ANK1: variants seen among roughly 807,000 people sequenced by gnomAD.
The protein encoded by ANK1 is ankyrin 1.
In ANK1, 51 loss-of-function variants were observed where a neutral mutation model predicts 210.4. That is an observed-to-expected ratio of 0.24 (90% CI 0.19 to 0.31). The LOEUF is 0.31. Among genes scored for constraint, ANK1 ranks in the 10% least tolerant of loss-of-function variants. ANK1 has a pLI of 1.00. For missense variants in ANK1, 2,051 were observed against 2,504.4 expected (o/e 0.82, Z 3.86); for synonymous variants, 967 against 1,025.9 (o/e 0.94, Z 1.10).
At chr8:41,671,911 TA>T (rs1812513218) in intron 38 of ANK1, among the ~76,000 whole-genome samples, 1 of 143,498 alleles carries the variant, frequency 7.0e-6, no homozygotes, top group South Asian at 2.3e-4. Flanking sequence ...CCCGATGTCC[TA>T]AGTGAGCCCT....
intron 1 of ANK1, among the ~76,000 whole-genome samples, chr8:41,869,987 C>T (rs1815167594): frequency 1.3e-5 from 2 of 152,128 alleles, no homozygotes; most frequent in Admixed American, 1.3e-4. Context: ...TTCTTGAGTC[C>T]TACCCCTGGA....
rs74992984 is a variant in ANK1, at chr8:41,667,866, G to A, written c.5394+401C>T. ...GCTGGGAAGAGAGCGCCTTGGGCAC[G>A]TCACCCAGGTCACCATAGGAGGAGA... On this transcript the variant is annotated intron_variant, in intron 39 of 42. Coordinates refer to ENST00000289734, the MANE Select transcript of ANK1 (RefSeq NM_000037.4). 1.3e-3 allele frequency among the ~76,000 whole-genome samples: 196 copies of A among 152,290 alleles called. 2 individuals carry two copies. The East Asian group carries it at 0.026, about 21-fold the overall frequency.
intron 1 of ANK1, among the ~76,000 whole-genome samples, chr8:41,867,580 A>G (rs1320601176): frequency 1.3e-5 from 2 of 152,020 alleles, no homozygotes; most frequent in Non-Finnish European, 2.9e-5. Flanking sequence ...TTCCCATGCC[A>G]TTCCCTCTGC....
chr8:41,728,042 C>T, intron 3 of ANK1, 36 bp from the exon 4 acceptor site: 1 of 1,606,182 alleles, frequency 6.2e-7, no homozygotes, highest in Non-Finnish European at 8.5e-7. Flanking sequence ...GAGGCGGTTT[C>T]CCACTGGGCC....
At chr8:41,750,748 T>C (rs932773307) in intron 2 of ANK1, among the ~76,000 whole-genome samples, 1 of 152,128 alleles carries the variant, frequency 6.6e-6, no homozygotes, top group African/African-American at 2.4e-5. Context: ...ACAAGCACTA[T>C]GGAGAAAAAT....
intron 1 of ANK1, among the ~76,000 whole-genome samples, chr8:41,861,406 A>C (rs1012869955): frequency 3.9e-5 from 6 of 152,208 alleles, no homozygotes; most frequent in African/African-American, 1.4e-4. Context: ...GAACATTTGC[A>C]CTAATAAAGG....
chr8:41,668,600 G>C (rs1811288833), intron 38 of ANK1, 36 bp from the exon 39 acceptor site: 1 of 1,594,854 alleles, frequency 6.3e-7, no homozygotes, highest in South Asian at 1.1e-5. Context: ...GGCCGGCCGG[G>C]GAGAGAGAAA....
At chr8:41,780,245 C>G (rs1844992956) in intron 1 of ANK1, among the ~76,000 whole-genome samples, 1 of 152,092 alleles carries the variant, frequency 6.6e-6, no homozygotes, top group Admixed American at 6.5e-5. Flanking sequence ...TGCTATGTTG[C>G]CCAGTCTGGG....
At chr8:41,702,271 C>T (rs998404706) in intron 20 of ANK1, 127 bp from the exon 21 acceptor site, 7 of 718,460 alleles carry the variant, frequency 9.7e-6, no homozygotes, top group African/African-American at 6.9e-5. Context: ...CAGACGTCAC[C>T]GTGGGGCCCA....
rs771079681 is a variant in ANK1 at position 41,696,488 on chromosome 8, C to T, written c.2835G>A (p.Ala945=). The T allele has an allele frequency of 1.2e-5, 20 of 1,613,276 alleles. No homozygotes were observed. Among genetic ancestry groups the T allele is most frequent in the Middle Eastern group, 1.6e-4 (1 of 6,084 alleles). Residue 945 remains alanine, a synonymous_variant, in exon 26 of 43, where the codon GCG becomes GCA. Coordinates refer to ENST00000289734, the MANE Select transcript of ANK1 (RefSeq NM_000037.4). ...CCAGGCGGCAGGTGATGCGGGTGGG[C>T]GCTGCGCACGTCCGTGGCGGGATCA... ...RVVIPPRTCA[A]PTRITCRLVK...
At chr8:41,760,275 T>G (rs866575951) in intron 1 of ANK1, among the ~76,000 whole-genome samples, 1 of 152,186 alleles carries the variant, frequency 6.6e-6, no homozygotes, top group South Asian at 2.1e-4. Context: ...GGGAGGTACT[T>G]GAATCATGGG....
At chr8:41,891,403 C>A (rs551335392) in intron 1 of ANK1, among the ~76,000 whole-genome samples, 1 of 152,282 alleles carries the variant, frequency 6.6e-6, no homozygotes, top group South Asian at 2.1e-4. Flanking sequence ...GTGTCCCCTG[C>A]CCAGGGAGGT....
chr8:41,688,712 C>CCTGAAGAAACGGACT, intron 33 of ANK1, 123 bp from the exon 34 acceptor site: 2 of 846,536 alleles, frequency 2.4e-6, no homozygotes, highest in African/African-American at 1.7e-5. Context: ...ACAATCAGTC[C>CCTGAAGAAACGGACT]GTTTCTTCAG....
At position 41,719,846 on chromosome 8, in the gene ANK1, G is replaced by C; in HGVS notation, c.922C>G (p.Pro308Ala). The part of the protein sequence containing the change: ...IQAKTKNGLS[P>A]IHMAAQGDHL... ...TCTCCCTGAGCCGCCATGTGAATTG[G>C]GGACAGGCCGTTCTGGGTAAAGAGG... Residue 308 changes from proline to alanine, a missense_variant, in exon 10 of 43, where the codon CCA (proline) becomes GCA (alanine). Around this residue, in one of 6 missense-constraint regions of ANK1, gnomAD observed 1,413 missense variants for 1,707.4 expected, o/e 0.83. Transcript: ENST00000289734. The C allele has an allele frequency of 6.2e-7, 1 of 1,614,228 alleles. No homozygotes were observed. Among genetic ancestry groups the C allele is most frequent in the Non-Finnish European group, 8.5e-7 (1 of 1,180,046 alleles).
At chr8:41,853,153 T>A (rs918079881) in intron 1 of ANK1, among the ~76,000 whole-genome samples, 6 of 152,202 alleles carry the variant, frequency 3.9e-5, no homozygotes, top group African/African-American at 1.4e-4. Context: ...TTGACAAAAA[T>A]TCATTTGACA....
rs1367444989 is a variant in ANK1, at chr8:41,701,526, C to T, written c.2461+24G>A. ...CCGGAGCCCCTCTGTCCCCACCAGC[C>T]TGAGCTCTTTACCCCAACGTTACCT... On this transcript the variant is annotated intron_variant, in intron 22 of 42. Transcript: ENST00000289734. 1.9e-6 allele frequency: 3 copies of T among 1,613,310 alleles called. No homozygotes were observed. In the South Asian group the frequency reaches 3.3e-5, roughly 18 times the overall value.
intron 2 of ANK1, among the ~76,000 whole-genome samples, chr8:41,737,764 T>A (rs1197081328): frequency 6.6e-6 from 1 of 152,170 alleles, no homozygotes; most frequent in Non-Finnish European, 1.5e-5. Flanking sequence ...CTGGGCACAG[T>A]TAATGAGAGA....
At chr8:41,670,752 G>A (rs1237410093) in intron 38 of ANK1, among the ~76,000 whole-genome samples, 1 of 152,194 alleles carries the variant, frequency 6.6e-6, no homozygotes. Context: ...TCACACAGGT[G>A]GGGAAAGGAC....
At chr8:41,673,429 T>G (rs1279101003) in intron 37 of ANK1, among the ~76,000 whole-genome samples, 1 of 152,106 alleles carries the variant, frequency 6.6e-6, no homozygotes, top group Non-Finnish European at 1.5e-5. Flanking sequence ...CAGGCTGCCC[T>G]TGAGGGGCCT....
Sources: gnomAD v4.1 joint callset for allele counts (sites outside exome capture counted in the v4.1 genomes callset) on GRCh38, gnomAD v4.1.1 for gene constraint, gnomAD v4.1.1 regional missense constraint, MANE v1.5 for transcripts, NCBI Gene and HGNC (gene_info 2026-07-23, HGNC 2026-07-21) for gene names.